The following CPD variants were observed in gnomAD, a reference collection of about 807,000 sequenced individuals.
The protein encoded by CPD is metallocarboxypeptidase D.
In CPD, 69 loss-of-function variants were observed where a neutral mutation model predicts 138.3. The ratio of observed to expected loss-of-function variants is 0.50; its 90% CI spans 0.41 to 0.61. The LOEUF (loss-of-function observed/expected upper bound fraction) is 0.61, where lower values mean the gene tolerates loss of function less well. Ranked by LOEUF, CPD falls within the 20% of genes least tolerant of loss-of-function variation. The pLI, the probability that CPD is intolerant of heterozygous loss-of-function variation, is 0.00. For missense variants in CPD, 1,432 were observed against 1,733.3 expected (o/e 0.83, Z 3.09); for synonymous variants, 651 against 642.1 (o/e 1.01, Z -0.21).
intron 2 of CPD, among the ~76,000 whole-genome samples, chr17:30,406,889 T>G (rs1285593989): frequency 6.6e-6 from 1 of 152,186 alleles, no homozygotes; most frequent in Non-Finnish European, 1.5e-5. Context: ...TAGGTATACA[T>G]GTGTCATGTT....
chr17:30,445,728 G>A lies in CPD; in HGVS notation c.2581G>A (p.Glu861Lys). Residue 861 changes from glutamate to lysine, a missense_variant, in exon 12 of 21, where the codon GAA becomes AAA. By Grantham distance (56) the Glu-to-Lys change is moderately conservative. Coordinates refer to ENST00000225719, the MANE Select transcript of CPD (RefSeq NM_001304.5). ...PVTKNVTVKS[E>K]GAIQVNFTLV... ...TACCAAGAATGTGACTGTCAAGAGTGAAGGCGCTATTCAGGTCAACTTCAC... is the reference window on the plus strand; with the variant it reads ...TACCAAGAATGTGACTGTCAAGAGTAAAGGCGCTATTCAGGTCAACTTCAC... 1 of 1,612,500 alleles carries A rather than the reference G, an allele frequency of 6.2e-7. No homozygotes were observed. The highest frequency in any genetic ancestry group is 8.5e-7 in the Non-Finnish European group (1 of 1,179,306).
intron 11 of CPD, among the ~76,000 whole-genome samples, chr17:30,445,028 G>A (rs1309449838): frequency 1.3e-5 from 2 of 152,058 alleles, no homozygotes; most frequent in Admixed American, 6.6e-5. Context: ...AGAAGGATGT[G>A]TTTGGCAGAG....
chr17:30,442,917 A>G (rs1272861549), intron 10 of CPD, among the ~76,000 whole-genome samples: 1 of 152,152 alleles, frequency 6.6e-6, no homozygotes, highest in African/African-American at 2.4e-5. Context: ...GAAATATACT[A>G]ATGTTAATTA....
chr17:30,401,466 T>C (rs1269631375), intron 2 of CPD, among the ~76,000 whole-genome samples: 1 of 151,206 alleles, frequency 6.6e-6, no homozygotes, highest in East Asian at 1.9e-4. Context: ...TTCTTCCTCT[T>C]CTTCTTCTTC....
intron 2 of CPD, among the ~76,000 whole-genome samples, chr17:30,397,737 CAAAAAAAAAAAAA>C (rs71138885): frequency 3.1e-5 from 1 of 31,850 alleles, no homozygotes; most frequent in East Asian, 9.9e-4. Context: ...ACTCCTGTCT[CAAAAAAAAAAAAA>C]AAAAAAAAAA....
At chr17:30,424,950 A>G (rs926361731) in intron 6 of CPD, among the ~76,000 whole-genome samples, 3 of 152,198 alleles carry the variant, frequency 2.0e-5, no homozygotes, top group South Asian at 2.1e-4. Context: ...AGTACCCCAG[A>G]AGCTCACTTG....
chr17:30,417,541 C>G (rs573505910), intron 2 of CPD, among the ~76,000 whole-genome samples: 1 of 152,168 alleles, frequency 6.6e-6, no homozygotes, highest in Non-Finnish European at 1.5e-5. Flanking sequence ...TTAATGGCAT[C>G]ATCATTAGCC....
chr17:30,396,020 G>A (rs905154317), intron 2 of CPD, among the ~76,000 whole-genome samples: 1 of 152,090 alleles, frequency 6.6e-6, no homozygotes, highest in Admixed American at 6.5e-5. Flanking sequence ...TTTTTCCATT[G>A]ATTTGGCCCA....
intron 2 of CPD, among the ~76,000 whole-genome samples, chr17:30,401,608 T>TA: frequency 6.6e-6 from 1 of 152,184 alleles, no homozygotes; most frequent in Admixed American, 6.5e-5. Flanking sequence ...CTCAGCCTCC[T>TA]AAGCAGCCGG....
chr17:30,405,179 A>G (rs1229417269), intron 2 of CPD, among the ~76,000 whole-genome samples: 2 of 152,074 alleles, frequency 1.3e-5, no homozygotes, highest in Non-Finnish European at 2.9e-5. Context: ...GGGCTTCAAT[A>G]TTTAAAGGGG....
At position 30,379,112 on chromosome 17, in the gene CPD, G is replaced by C; in HGVS notation, c.132G>C (p.Thr44=). ...AGGCGGAGGCGACTACCACAACTAC[G>C]AGCGCGGGCGCCGAGGCGGCCGAGG... The part of the protein sequence containing the change: ...IKKAEATTTT[T]SAGAEAAEGQ... The change falls in exon 1 of 21, where the codon ACG becomes ACC. Residue 44 remains threonine (T), a synonymous_variant. Transcript: ENST00000225719. The surrounding 1 kb of genome is among the most constrained non-coding windows in gnomAD (Gnocchi z 7.0). The C allele has an allele frequency of 6.5e-7, 1 of 1,545,184 alleles. No homozygotes were observed. The highest frequency in any genetic ancestry group is 1.2e-5 in the South Asian group (1 of 84,622).
intron 7 of CPD, among the ~76,000 whole-genome samples, chr17:30,429,716 G>GTAA (rs1912512948): frequency 1.3e-5 from 2 of 152,154 alleles, no homozygotes; most frequent in South Asian, 2.1e-4. Context: ...ATAACAAAGG[G>GTAA]TAATACCTTG....
In CPD at chr17:30,439,035, C is replaced by A; in HGVS notation, c.2188C>A (p.Pro730Thr). 6.3e-7 allele frequency: 1 copy of A among 1,592,428 alleles called. No homozygotes were observed. The highest frequency in any genetic ancestry group is 1.2e-5 in the South Asian group (1 of 86,282). ...GAATATGTATCCTAATGAATATTTT[C>A]CTCATGGAATAACAAATGGAGCTAG... Reference protein sequence around the residue: ...CKNMYPNEYFPHGITNGASWY... With the variant: ...CKNMYPNEYFTHGITNGASWY... Residue 730 changes from proline (P) to threonine (T), a missense_variant, in exon 9 of 21, where the codon CCT (proline) becomes ACT (threonine). Physicochemically the swap from Pro to Thr is conservative, Grantham distance 38. Around this residue, in one of 6 missense-constraint regions of CPD, gnomAD observed 297 missense variants for 405.3 expected, o/e 0.73. Coordinates refer to ENST00000225719, the MANE Select transcript of CPD (RefSeq NM_001304.5).
At chr17:30,458,758 C>T (rs754825734) in intron 17 of CPD, among the ~76,000 whole-genome samples, 6 of 151,638 alleles carry the variant, frequency 4.0e-5, no homozygotes, top group African/African-American at 7.3e-5. Context: ...CCCAGCTACC[C>T]GGGAGGCTGT....
At chr17:30,385,435 T>C (rs1911158213) in intron 2 of CPD, 199 bp downstream of exon 2, 1 of 563,894 alleles carries the variant, frequency 1.8e-6, no homozygotes, top group Non-Finnish European at 2.9e-6. Context: ...TTCACCACTG[T>C]TATCTTATCC....
chr17:30,381,633 G>A (rs1911050252), intron 1 of CPD, among the ~76,000 whole-genome samples: 1 of 152,136 alleles, frequency 6.6e-6, no homozygotes, highest in South Asian at 2.1e-4. Context: ...AAAGGACACT[G>A]ATATGTGAAT....
intron 2 of CPD, among the ~76,000 whole-genome samples, chr17:30,401,801 T>G (rs1911679372): frequency 6.6e-6 from 1 of 152,078 alleles, no homozygotes; most frequent in Non-Finnish European, 1.5e-5. Context: ...TTTTTCTGTC[T>G]TTGGTTTTCA....
intron 2 of CPD, among the ~76,000 whole-genome samples, chr17:30,399,442 A>G (rs1911594355): frequency 6.6e-6 from 1 of 151,946 alleles, no homozygotes; most frequent in Admixed American, 6.6e-5. Context: ...GGATTTACCC[A>G]TTTTTCCTTT....
At chr17:30,404,567 ATAG>A (rs1911758051) in intron 2 of CPD, among the ~76,000 whole-genome samples, 1 of 152,116 alleles carries the variant, frequency 6.6e-6, no homozygotes, top group South Asian at 2.1e-4. Context: ...TTTGAATACT[ATAG>A]CCCTCATCCT....
Sources: allele counts gnomAD v4.1 joint callset (sites outside exome capture counted in the v4.1 genomes callset), GRCh38; gene constraint gnomAD v4.1.1; regional missense constraint gnomAD v4.1.1; non-coding constraint Gnocchi (gnomAD v3.1); transcripts MANE v1.5; gene names NCBI Gene and HGNC (gene_info 2026-07-23, HGNC 2026-07-21).